ANK1: variants seen among roughly 807,000 people sequenced by gnomAD.
ANK1 encodes the protein ankyrin 1, also known as ankyrin-1.
A neutral mutation model predicts 210.4 loss-of-function variants in ANK1; 51 were observed. The ratio of observed to expected loss-of-function variants is 0.24; its 90% CI spans 0.19 to 0.31. The LOEUF is 0.31. ANK1 is among the 10% of genes least tolerant of loss of function. The probability of loss-of-function intolerance (pLI) is 1.00; values close to 1 mark genes in which losing one functional copy is unlikely to be tolerated. For missense variants in ANK1, 2,051 were observed against 2,504.4 expected (o/e 0.82, Z 3.86); for synonymous variants, 967 against 1,025.9 (o/e 0.94, Z 1.10).
At chr8:41,770,787 T>C (rs891512519) in intron 1 of ANK1, among the ~76,000 whole-genome samples, 32 of 152,172 alleles carry the variant, frequency 2.1e-4, no homozygotes, top group African/African-American at 7.5e-4. Context: ...CAGTGAGGCC[T>C]GAGGCTAAAG....
At chr8:41,669,453 C>G (rs115509048) in intron 38 of ANK1, among the ~76,000 whole-genome samples, 1,528 of 152,148 alleles carry the variant, frequency 0.01, 30 homozygotes, top group African/African-American at 0.034. Flanking sequence ...CACGCCACCA[C>G]GTCCAGCTAT....
chr8:41,721,656 CAAAAAAAAAAAAAA>C (rs55653901), intron 9 of ANK1, among the ~76,000 whole-genome samples: 5,008 of 108,284 alleles, frequency 0.046, 219 homozygotes, highest in African/African-American at 0.13. Flanking sequence ...GACTTCATCT[CAAAAAAAAAAAAAA>C]AAAAAAAAAA....
chr8:41,666,872 G>A (rs2150554230), intron 39 of ANK1, among the ~76,000 whole-genome samples: 1 of 152,330 alleles, frequency 6.6e-6, no homozygotes, highest in South Asian at 2.1e-4. Flanking sequence ...GGTCCACTGT[G>A]TGACCCTGGA....
At chr8:41,690,946 G>A (rs1005414237) in intron 31 of ANK1, among the ~76,000 whole-genome samples, 4 of 152,190 alleles carry the variant, frequency 2.6e-5, no homozygotes, top group African/African-American at 7.2e-5. Flanking sequence ...TTCTGGGCTG[G>A]GCATGGTGGC....
At chr8:41,725,970 T>C (rs1392046883) in intron 5 of ANK1, 24 bp from the exon 6 acceptor site, 4 of 1,610,382 alleles carry the variant, frequency 2.5e-6, no homozygotes, top group Non-Finnish European at 3.4e-6. Flanking sequence ...GAAAATGCTT[T>C]GCTCTGACTC....
intron 16 of ANK1, among the ~76,000 whole-genome samples, chr8:41,709,720 A>G (rs1236055900): frequency 6.6e-6 from 1 of 152,186 alleles, no homozygotes; most frequent in African/African-American, 2.4e-5. Context: ...GGATCACTTG[A>G]GGCCAGGAGT....
intron 1 of ANK1, among the ~76,000 whole-genome samples, chr8:41,872,648 C>T (rs1461503537): frequency 2.0e-5 from 3 of 152,334 alleles, no homozygotes; most frequent in East Asian, 1.9e-4. Context: ...GTGCCCCAAT[C>T]GGTGAGTAGG....
intron 1 of ANK1, among the ~76,000 whole-genome samples, chr8:41,849,481 A>T (rs1258521947): frequency 1.3e-5 from 2 of 151,856 alleles, no homozygotes; most frequent in Non-Finnish European, 1.5e-5. Flanking sequence ...CTGAGATCAC[A>T]CCATTGTACT....
At chr8:41,667,122 C>T (rs1810807437) in intron 39 of ANK1, among the ~76,000 whole-genome samples, 1 of 152,222 alleles carries the variant, frequency 6.6e-6, no homozygotes. Flanking sequence ...ATGGAAGAAA[C>T]GGACGGGCCG....
At chr8:41,724,158 C>A (rs1415015263) in intron 7 of ANK1, among the ~76,000 whole-genome samples, 1 of 152,164 alleles carries the variant, frequency 6.6e-6, no homozygotes, top group Non-Finnish European at 1.5e-5. Context: ...CAAGCCCATG[C>A]CTCCCAGAGT....
intron 1 of ANK1, among the ~76,000 whole-genome samples, chr8:41,817,782 C>G (rs1182535046): frequency 1.3e-5 from 2 of 152,188 alleles, no homozygotes; most frequent in Non-Finnish European, 2.9e-5. Context: ...ACAAGTGACT[C>G]AAGACCAAAA....
At chr8:41,732,211 G>A (rs530685344) in intron 3 of ANK1, among the ~76,000 whole-genome samples, 3 of 152,106 alleles carry the variant, frequency 2.0e-5, no homozygotes, top group South Asian at 2.1e-4. Context: ...CTTGAGAGGC[G>A]GCAAACTGTT....
At chr8:41,724,242 T>C (rs944181993) in intron 7 of ANK1, among the ~76,000 whole-genome samples, 3 of 152,128 alleles carry the variant, frequency 2.0e-5, no homozygotes, top group Non-Finnish European at 4.4e-5. Flanking sequence ...ATTTTTAGGA[T>C]GGGCAAATGG....
rs1848943046 is a variant in ANK1 at position 41,797,367 on chromosome 8, G to A, written c.27+145C>T. 7 of 694,900 alleles carry A rather than the reference G, an allele frequency of 1.0e-5. No individual in the cohort carries two copies. Among genetic ancestry groups the A allele is most frequent in the Non-Finnish European group, 1.5e-5 (6 of 390,540 alleles). The allele number at this position is 694,900 out of a possible 1,614,324, so 43.0% of individuals were successfully genotyped here. A position where few individuals can be genotyped will look rare whatever the true frequency, so the allele number is the denominator to read the frequency against. On this transcript the variant is annotated intron_variant, in intron 1 of 42. Coordinates refer to ENST00000289734, the MANE Select transcript of ANK1 (RefSeq NM_000037.4). The surrounding 1 kb of genome is among the most constrained non-coding windows in gnomAD (Gnocchi z 4.0). ...CCTTCAGCTACAAGGTCGATGTGCC[G>A]CTATGCTAAGGCAGGGAGCCCACGG...
At chr8:41,850,212 T>C (rs1051367043) in intron 1 of ANK1, among the ~76,000 whole-genome samples, 4 of 152,204 alleles carry the variant, frequency 2.6e-5, no homozygotes, top group Admixed American at 1.3e-4. Context: ...CTCGTTACAG[T>C]GCAGCCGTCG....
chr8:41,697,604 T>C (rs1215241999), intron 24 of ANK1: 1 of 337,628 alleles, frequency 3.0e-6, no homozygotes, highest in East Asian at 7.5e-5. Context: ...GGTTCATGCG[T>C]CCGAGTCCAC....
chr8:41,778,859 A>T (rs2150744113), intron 1 of ANK1, among the ~76,000 whole-genome samples: 1 of 152,318 alleles, frequency 6.6e-6, no homozygotes, highest in Non-Finnish European at 1.5e-5. Flanking sequence ...CTTGTTTAGG[A>T]TCCGACACTG....
At chr8:41,717,827 G>T in intron 11 of ANK1, 125 bp from the exon 12 acceptor site, 4 of 1,019,084 alleles carry the variant, frequency 3.9e-6, no homozygotes, top group Non-Finnish European at 6.0e-6. Flanking sequence ...ATATGAGGTG[G>T]GTTTGCTTCC....
chr8:41,857,434 C>A (rs951863537), intron 1 of ANK1, among the ~76,000 whole-genome samples: 2 of 151,088 alleles, frequency 1.3e-5, no homozygotes, highest in African/African-American at 4.9e-5. Flanking sequence ...CCCATCTCTA[C>A]TAAAATTACA....
Sources: allele counts gnomAD v4.1 joint callset (sites outside exome capture counted in the v4.1 genomes callset), GRCh38; gene constraint gnomAD v4.1.1; non-coding constraint Gnocchi (gnomAD v3.1); transcripts MANE v1.5; gene names NCBI Gene and HGNC (gene_info 2026-07-23, HGNC 2026-07-21).